The following MAP2 variants were observed in gnomAD, a reference collection of about 807,000 sequenced individuals.
MAP2 encodes microtubule associated protein 2, also known as microtubule-associated protein 2.
MAP2 carries 14 observed loss-of-function variants against 137.6 expected under a neutral mutation model. The observed-to-expected ratio is 0.10, with a 90% CI of 0.07 to 0.16. MAP2 has a LOEUF of 0.16. Among genes scored for constraint, MAP2 ranks in the 10% least tolerant of loss-of-function variants. The pLI, the probability that MAP2 is intolerant of heterozygous loss-of-function variation, is 1.00. For synonymous variants in MAP2, 786 were observed against 782.3 expected, an observed-to-expected ratio of 1.00 and a Z score of -0.08; for missense variants, 2,088 against 2,191.5, an observed-to-expected ratio of 0.95 and a Z score of 0.94.
chr2:209,714,154 C>T (rs1343430458), intron 13 of MAP2, among the ~76,000 whole-genome samples: 1 of 152,036 alleles, frequency 6.6e-6, no homozygotes, highest in Non-Finnish European at 1.5e-5. Flanking sequence ...TGAGCCAAGA[C>T]CACGCCATTG....
In MAP2 at chr2:209,697,158, C is replaced by T. The variant is rs187650769; in HGVS notation, c.4522+107C>T. ...CATTTTGTTTTTCTTCCAAGAATCT[C>T]AGCAGTCATGAACAATTTTGCTATT... On this transcript the variant is annotated intron_variant, in intron 10 of 15. Coordinates refer to ENST00000682079, the MANE Select transcript of MAP2 (RefSeq NM_001375505.1). 3.2e-5 allele frequency: 38 copies of T among 1,193,258 alleles called. No homozygotes were observed. The African/African-American group carries it at 4.9e-4, about 15-fold the overall frequency. The allele number at this position is 1,193,258 out of a possible 1,614,324, so 73.9% of individuals were successfully genotyped here.
At chr2:209,697,634 AT>A (rs2060563295) in intron 10 of MAP2, among the ~76,000 whole-genome samples, 4 of 152,196 alleles carry the variant, frequency 2.6e-5, no homozygotes, top group Admixed American at 1.3e-4. Flanking sequence ...ATTATATCAG[AT>A]TTTATTCCTC....
At chr2:209,561,972 A>G (rs1353882084) in intron 2 of MAP2, among the ~76,000 whole-genome samples, 1 of 152,180 alleles carries the variant, frequency 6.6e-6, no homozygotes, top group African/African-American at 2.4e-5. Flanking sequence ...AGTACTGACC[A>G]TTATATAAAC....
intron 3 of MAP2, among the ~76,000 whole-genome samples, chr2:209,589,117 T>C (rs2078547965): frequency 6.6e-6 from 1 of 152,054 alleles, no homozygotes; most frequent in African/African-American, 2.4e-5. Flanking sequence ...AATTACAAAG[T>C]TGTTAGAATA....
intron 14 of MAP2, among the ~76,000 whole-genome samples, chr2:209,729,302 TAAAC>T (rs1004039962): frequency 3.3e-5 from 5 of 152,306 alleles, no homozygotes; most frequent in African/African-American, 1.2e-4. Flanking sequence ...TTACTAGTCA[TAAAC>T]AACTTACCTC....
chr2:209,655,114 C>A (rs1192947653), intron 5 of MAP2, among the ~76,000 whole-genome samples: 1 of 152,174 alleles, frequency 6.6e-6, no homozygotes, highest in East Asian at 1.9e-4. Flanking sequence ...AGTGTATTAT[C>A]ACCAGCTTCT....
At chr2:209,638,062 T>C (rs77873676) in intron 4 of MAP2, among the ~76,000 whole-genome samples, 21,569 of 152,136 alleles carry the variant, frequency 0.14, 1,964 homozygotes, top group African/African-American at 0.25. Context: ...ATTTAAGTAC[T>C]TGAATATTTT....
chr2:209,690,534 T>C, intron 7 of MAP2: 1 of 1,170,510 alleles, frequency 8.5e-7, no homozygotes, highest in Non-Finnish European at 1.1e-6. Context: ...AAGTGTTCCT[T>C]TAGCAATATT....
chr2:209,636,283 T>C (rs1203002151), intron 4 of MAP2, among the ~76,000 whole-genome samples: 1 of 152,074 alleles, frequency 6.6e-6, no homozygotes, highest in Non-Finnish European at 1.5e-5. Context: ...AAAGATCCAG[T>C]AGTAATCAAT....
chr2:209,665,196 C>A, intron 5 of MAP2, among the ~76,000 whole-genome samples: 1 of 152,150 alleles, frequency 6.6e-6, no homozygotes, highest in South Asian at 2.1e-4. Context: ...GAAAATATAT[C>A]TTTGACTGAA....
chr2:209,467,128 C>G (rs777522084), intron 1 of MAP2, among the ~76,000 whole-genome samples: 1 of 152,188 alleles, frequency 6.6e-6, no homozygotes, highest in African/African-American at 2.4e-5. Context: ...CTCTCACCCC[C>G]ACATTTAATT....
intron 1 of MAP2, among the ~76,000 whole-genome samples, chr2:209,506,192 A>G (rs2061033021): frequency 6.6e-6 from 1 of 152,188 alleles, no homozygotes; most frequent in Non-Finnish European, 1.5e-5. Context: ...TACTTAAAAA[A>G]AAATCTCCAC....
At chr2:209,634,590 A>G (rs916814930) in intron 4 of MAP2, among the ~76,000 whole-genome samples, 1 of 152,166 alleles carries the variant, frequency 6.6e-6, no homozygotes, top group African/African-American at 2.4e-5. Context: ...GAACTCAGTC[A>G]TTTGGACACA....
chr2:209,565,010 C>CT (rs958999194), intron 2 of MAP2, among the ~76,000 whole-genome samples: 2 of 152,130 alleles, frequency 1.3e-5, no homozygotes, highest in African/African-American at 4.8e-5. Context: ...CCTCAGTTGT[C>CT]TTGACTCCCA....
chr2:209,654,111 A>G (rs2094979422), intron 5 of MAP2, among the ~76,000 whole-genome samples: 1 of 152,222 alleles, frequency 6.6e-6, no homozygotes, highest in South Asian at 2.1e-4. Context: ...GCACAAAATC[A>G]TCTTATCATC....
chr2:209,562,805 A>G (rs2072483250), intron 2 of MAP2, among the ~76,000 whole-genome samples: 1 of 152,134 alleles, frequency 6.6e-6, no homozygotes, highest in South Asian at 2.1e-4. Context: ...AAATACCAAA[A>G]CAGAAATTTT....
Position 209,453,500 on chromosome 2 carries a change from C to T in MAP2, c.-222+29224C>T, listed in dbSNP as rs188422719. On this transcript the variant is annotated intron_variant, in intron 1 of 15. Coordinates refer to ENST00000682079, the MANE Select transcript of MAP2 (RefSeq NM_001375505.1). ...TTTAATACATAACAATGCAACATAA[C>T]GACTTAAAAGGGCTGGAAGAGGACT... Among the ~76,000 whole-genome samples, 23 of 152,130 alleles carry T rather than the reference C, an allele frequency of 1.5e-4. No homozygotes were observed. In the South Asian group the frequency reaches 1.9e-3, roughly 12 times the overall value.
At chr2:209,566,926 G>A (rs2073548222) in intron 2 of MAP2, among the ~76,000 whole-genome samples, 1 of 152,074 alleles carries the variant, frequency 6.6e-6, no homozygotes, top group Non-Finnish European at 1.5e-5. Context: ...GAAATTATAA[G>A]AAAATTAGAA....
intron 4 of MAP2, among the ~76,000 whole-genome samples, chr2:209,647,609 G>T (rs1559478158): frequency 6.6e-6 from 1 of 152,006 alleles, no homozygotes. Flanking sequence ...CTCTTAGTTT[G>T]GCTCACATCA....
Sources: gnomAD v4.1 joint callset for allele counts (sites outside exome capture counted in the v4.1 genomes callset) on GRCh38, gnomAD v4.1.1 for gene constraint, MANE v1.5 for transcripts, NCBI Gene and HGNC (gene_info 2026-07-23, HGNC 2026-07-21) for gene names.